COL4A6: variants seen among roughly 807,000 people sequenced by gnomAD.
COL4A6 encodes the protein collagen type IV alpha 6 chain.
In COL4A6, 59 loss-of-function variants were observed where a neutral mutation model predicts 126.7. That is an observed-to-expected ratio of 0.47 (90% CI 0.38 to 0.58). The LOEUF (loss-of-function observed/expected upper bound fraction) is 0.58, where lower values mean the gene tolerates loss of function less well. Among genes scored for constraint, COL4A6 ranks in the 20% least tolerant of loss-of-function variants. The pLI, the probability that COL4A6 is intolerant of heterozygous loss-of-function variation, is 0.00. For missense variants in COL4A6, 1,285 were observed against 1,337.3 expected (o/e 0.96, Z 0.61); for synonymous variants, 547 against 496.6 (o/e 1.10, Z -1.35).
chrX:108,221,496 G>A (rs191866186), intron 3 of COL4A6, 122 bp from the exon 4 acceptor site: 82 of 790,616 alleles, frequency 1.0e-4, no homozygotes, highest in Non-Finnish European at 1.4e-4. Context: ...AGAGATCTGT[G>A]AGGCACGCCA....
chrX:108,170,128 G>A (rs1205558006), intron 35 of COL4A6, 112 bp from the exon 36 acceptor site: 6 of 646,147 alleles, frequency 9.3e-6, no homozygotes, highest in Non-Finnish European at 1.2e-5. Context: ...TTAAAGTCCT[G>A]GTCTTTTTTG....
chrX:108,165,319 A>T (rs764490628), intron 38 of COL4A6, 51 bp downstream of exon 38: 21 of 1,043,550 alleles, frequency 2.0e-5, no homozygotes, highest in Non-Finnish European at 2.8e-5. Context: ...ACTTCCCCAA[A>T]TGTCAGACAA....
chrX:108,212,232 A>T (rs929925112), intron 6 of COL4A6, among the ~76,000 whole-genome samples: 5 of 13,864 alleles, frequency 3.6e-4, no homozygotes, highest in African/African-American at 7.7e-4. Flanking sequence ...TTTATTATTT[A>T]AAAAAAAAAA....
chrX:108,161,592 C>T, intron 42 of COL4A6, 27 bp downstream of exon 42: 1 of 576,981 alleles, frequency 1.7e-6, no homozygotes, highest in Non-Finnish European at 2.7e-6. Context: ...CCCGCCCCGC[C>T]CGCCTCCTAA....
At chrX:108,317,261 C>G (rs1358662153) in intron 2 of COL4A6, among the ~76,000 whole-genome samples, 1 of 112,143 alleles carries the variant, frequency 8.9e-6, no homozygotes, top group Non-Finnish European at 1.9e-5. Flanking sequence ...CTGTACTAGG[C>G]AACTACAAGG....
At chrX:108,406,887 T>C (rs1400587858) in intron 2 of COL4A6, among the ~76,000 whole-genome samples, 3 of 112,135 alleles carry the variant, frequency 2.7e-5, no homozygotes, top group Non-Finnish European at 5.6e-5. Context: ...GCTAGAATTT[T>C]AACTACTTGA....
chrX:108,319,202 C>T (rs1242507497), intron 2 of COL4A6, among the ~76,000 whole-genome samples: 2 of 111,862 alleles, frequency 1.8e-5, no homozygotes, highest in Admixed American at 9.4e-5. Flanking sequence ...CATGGTGATA[C>T]CCCATCTCTA....
intron 3 of COL4A6, among the ~76,000 whole-genome samples, chrX:108,265,246 T>A (rs975518069): frequency 9.0e-6 from 1 of 111,137 alleles, no homozygotes; most frequent in East Asian, 2.8e-4. Context: ...GGGGGGCTTG[T>A]TAAAATGCAG....
intron 2 of COL4A6, among the ~76,000 whole-genome samples, chrX:108,313,374 C>G (rs1449714327): frequency 1.8e-5 from 2 of 112,002 alleles, no homozygotes; most frequent in Non-Finnish European, 3.8e-5. Context: ...TCATCTAATA[C>G]AGTGGTTCTT....
At chrX:108,329,858 G>A (rs1295279523) in intron 2 of COL4A6, among the ~76,000 whole-genome samples, 1 of 111,209 alleles carries the variant, frequency 9.0e-6, no homozygotes, top group East Asian at 2.8e-4. Flanking sequence ...AGGAAAAAGA[G>A]GAGTCGAAGG....
Position 108,193,710 on chromosome X carries a change from A to T in COL4A6, c.1003-13T>A, listed in dbSNP as rs776969913. 8.5e-7 allele frequency: 1 copy of T among 1,175,600 alleles called. No homozygotes were observed. Among genetic ancestry groups the T allele is most frequent in the Non-Finnish European group, 1.2e-6 (1 of 865,514 alleles). On this transcript the variant is annotated splice_polypyrimidine_tract_variant and intron_variant, in intron 16 of 44. Transcript: ENST00000334504. ...CACCCTTTTGACCCTGCAAAGATTA[A>T]GTACATTAAACACAAATATTTCCAT...
At chrX:108,318,181 T>C (rs745518395) in intron 2 of COL4A6, among the ~76,000 whole-genome samples, 2 of 111,324 alleles carry the variant, frequency 1.8e-5, no homozygotes, top group Non-Finnish European at 3.8e-5. Context: ...CAACCCTTCA[T>C]GCTAAAAACT....
At position 108,224,740 on chromosome X, in the gene COL4A6, T is replaced by C. The variant is rs183292618; in HGVS notation, c.145-3366A>G. 4.4e-4 allele frequency among the ~76,000 whole-genome samples: 49 copies of C among 112,167 alleles called. 1 individual carries two copies. In the East Asian group the frequency reaches 0.012, roughly 28 times the overall value. ...ACTTTGTGCTTATAGCTGTATGATC[T>C]TTTTTCCTCATCTCTAATGCACAGG... On this transcript the variant is annotated intron_variant, in intron 3 of 44. Coordinates refer to ENST00000334504, the MANE Select transcript of COL4A6 (RefSeq NM_033641.4).
intron 3 of COL4A6, among the ~76,000 whole-genome samples, chrX:108,285,484 T>G (rs778295650): frequency 9.0e-6 from 1 of 111,686 alleles, no homozygotes; most frequent in Admixed American, 9.5e-5. Context: ...TGGCAATGTC[T>G]GAGCGGAGGG....
chrX:108,175,759 T>C lies in COL4A6; in HGVS notation c.2725A>G (p.Ile909Val). The C allele has an allele frequency of 8.4e-7, 1 of 1,195,325 alleles. No homozygotes were observed. Among genetic ancestry groups the C allele is most frequent in the Non-Finnish European group, 1.1e-6 (1 of 888,323 alleles). Reference sequence around the variant, plus strand: ...CCAGGAATACCAGGCAGACCTGGTATTCCTGGAAAACCTACGAATCCAACA... The same window carrying C: ...CCAGGAATACCAGGCAGACCTGGTACTCCTGGAAAACCTACGAATCCAACA... Reference protein sequence around the residue: ...GSVGFVGFPGIPGLPGIPGTR... With the variant: ...GSVGFVGFPGVPGLPGIPGTR... The change falls in exon 29 of 45, where the codon ATA becomes GTA. Residue 909 changes from isoleucine (I) to valine (V), a missense_variant. Coordinates refer to ENST00000334504, the MANE Select transcript of COL4A6 (RefSeq NM_033641.4).
Position 108,179,295 on chromosome X carries a change from C to G in COL4A6, c.2275G>C (p.Ala759Pro), listed in dbSNP as rs1451760628. The stretch of plus-strand genomic sequence containing the variant: ...CCTTGTAGGCCTTGTTCCCCCGGAG[C>G]ACCATTTTCAGCACCAAAGATGTCA... ...TGDIFGAENG[A>P]PGEQGLQGLT... is the part of the protein sequence containing the mutation. Residue 759 changes from alanine to proline, a missense_variant, in exon 26 of 45, where the codon GCT becomes CCT. By Grantham distance (27) the Ala-to-Pro change is conservative. Transcript: ENST00000334504. 1 of 1,211,513 alleles carries G rather than the reference C, an allele frequency of 8.3e-7. No homozygotes were observed. The highest frequency in any genetic ancestry group is 1.1e-6 in the Non-Finnish European group (1 of 895,462).
intron 39 of COL4A6, 69 bp downstream of exon 39, chrX:108,164,808 A>G (rs1161510832): frequency 8.5e-7 from 1 of 1,183,111 alleles, no homozygotes; most frequent in Non-Finnish European, 1.1e-6. Context: ...GCCTCTCTTC[A>G]CAGGACTGCA....
chrX:108,175,092 C>T lies in COL4A6; in HGVS notation c.2954G>A (p.Arg985Lys). Residue 985 changes from arginine (R) to lysine (K), a missense_variant and splice_region_variant, in exon 30 of 45, where the codon AGA (arginine) becomes AAA (lysine). By Grantham distance (26) the Arg-to-Lys change is conservative. Coordinates refer to ENST00000334504, the MANE Select transcript of COL4A6 (RefSeq NM_033641.4). ...CTATCCATCCCCTGCCCCAGCACCT[C>T]TTGGCCCAGGAAATCCATTGGATCC... ...SAGSNGFPGP[R>K]GDKGEAGRPG... 2.5e-6 allele frequency: 3 copies of T among 1,192,506 alleles called. No homozygotes were observed. In the African/African-American group the frequency reaches 5.3e-5, roughly 21 times the overall value.
intron 2 of COL4A6, among the ~76,000 whole-genome samples, chrX:108,414,409 T>C (rs2041392622): frequency 9.0e-6 from 1 of 110,817 alleles, no homozygotes; most frequent in South Asian, 3.9e-4. Context: ...TACCAAAACA[T>C]CTGGAGAGCC....
Sources: allele counts gnomAD v4.1 joint callset (sites outside exome capture counted in the v4.1 genomes callset), GRCh38; gene constraint gnomAD v4.1.1; transcripts MANE v1.5; gene names NCBI Gene and HGNC (gene_info 2026-07-23, HGNC 2026-07-21).